CCDC192: variants seen among roughly 807,000 people sequenced by gnomAD.
CCDC192 encodes the protein coiled-coil domain containing 192.
chr5:127,913,670 C>G (rs1281160310), intron 6 of CCDC192, among the ~76,000 whole-genome samples: 1 of 152,218 alleles, frequency 6.6e-6, no homozygotes, highest in East Asian at 1.9e-4. Flanking sequence ...GAATTTTCTC[C>G]TGGACATCTC....
At chr5:127,893,248 G>T (rs763113662) in intron 6 of CCDC192, among the ~76,000 whole-genome samples, 11 of 152,148 alleles carry the variant, frequency 7.2e-5, no homozygotes, top group African/African-American at 2.7e-4. Context: ...ACAGAATTAG[G>T]ACCAGATCCC....
At chr5:127,719,550 T>TACATAC in intron 2 of CCDC192, among the ~76,000 whole-genome samples, 1 of 64,556 alleles carries the variant, frequency 1.5e-5, no homozygotes, top group South Asian at 3.7e-4. Context: ...TATATATATA[T>TACATAC]ATATATATAC....
chr5:127,780,839 C>G (rs1197339454), intron 3 of CCDC192, among the ~76,000 whole-genome samples: 1 of 152,114 alleles, frequency 6.6e-6, no homozygotes, highest in Non-Finnish European at 1.5e-5. Context: ...TAAGTCCCAG[C>G]TATTTATCTT....
At chr5:127,735,554 C>T (rs1752930684) in intron 2 of CCDC192, among the ~76,000 whole-genome samples, 1 of 78,228 alleles carries the variant, frequency 1.3e-5, no homozygotes, top group East Asian at 4.2e-4. Context: ...TTCTTCCTAC[C>T]CATGAGCATG....
chr5:127,782,327 T>A (rs1372030269), intron 3 of CCDC192, among the ~76,000 whole-genome samples: 1 of 152,154 alleles, frequency 6.6e-6, no homozygotes, highest in East Asian at 1.9e-4. Flanking sequence ...GATGTTGGCA[T>A]CATAGGATGA....
rs185735040 is a variant in CCDC192 at position 127,768,283 on chromosome 5, C to T, written c.222+13908C>T. On this transcript the variant is annotated intron_variant, in intron 3 of 6. Coordinates refer to ENST00000514853, the MANE Select transcript of CCDC192 (RefSeq NM_001317938.2). ...TAAAAAAGTAAAAAAAAAATAAGGT[C>T]ATACTGGAGTAGGATGGGCCCCTAA... Among the ~76,000 whole-genome samples the T allele has an allele frequency of 7.0e-3, 1,066 of 152,000 alleles. 15 individuals are homozygous for T. Among genetic ancestry groups the T allele is most frequent in the African/African-American group, 0.024 (1,007 of 41,482 alleles).
intron 1 of CCDC192, among the ~76,000 whole-genome samples, chr5:127,706,201 T>C (rs766751391): frequency 9.9e-5 from 15 of 151,976 alleles, no homozygotes; most frequent in Non-Finnish European, 2.1e-4. Flanking sequence ...GATAGTGGGA[T>C]AGAAAATAAT....
At chr5:127,863,447 G>A (rs1751458408) in intron 5 of CCDC192, among the ~76,000 whole-genome samples, 2 of 152,198 alleles carry the variant, frequency 1.3e-5, no homozygotes, top group Non-Finnish European at 2.9e-5. Context: ...AGTTAAATAA[G>A]TCAATCTCAA....
At chr5:127,810,505 G>A (rs114110202) in intron 5 of CCDC192, among the ~76,000 whole-genome samples, 139 of 152,198 alleles carry the variant, frequency 9.1e-4, no homozygotes, top group Non-Finnish European at 1.6e-3. Context: ...AAGGAGAGGG[G>A]AATATGGATT....
At chr5:127,858,679 C>G (rs751241333) in intron 5 of CCDC192, among the ~76,000 whole-genome samples, 3 of 152,202 alleles carry the variant, frequency 2.0e-5, no homozygotes, top group African/African-American at 4.8e-5. Flanking sequence ...TCATACATCG[C>G]TGCATGAGGC....
intron 2 of CCDC192, among the ~76,000 whole-genome samples, chr5:127,732,606 A>G (rs1221333243): frequency 2.0e-5 from 3 of 152,242 alleles, no homozygotes; most frequent in South Asian, 2.1e-4. Context: ...ATGTCCATCA[A>G]TGATAGACTG....
chr5:127,905,992 CT>C (rs919857569), intron 6 of CCDC192, among the ~76,000 whole-genome samples: 4 of 152,168 alleles, frequency 2.6e-5, no homozygotes, highest in East Asian at 1.9e-4. Context: ...AAAATCACTT[CT>C]TTTTTTTATA....
chr5:127,771,418 C>T (rs898126012), intron 3 of CCDC192, among the ~76,000 whole-genome samples: 2 of 151,982 alleles, frequency 1.3e-5, no homozygotes, highest in Admixed American at 6.6e-5. Flanking sequence ...GATTGTTTTA[C>T]GAAGTTTTGG....
At chr5:127,824,737 G>A (rs1749444452) in intron 5 of CCDC192, among the ~76,000 whole-genome samples, 1 of 152,128 alleles carries the variant, frequency 6.6e-6, no homozygotes, top group African/African-American at 2.4e-5. Flanking sequence ...TAGGATGTAG[G>A]ATCACCTCAG....
chr5:127,781,575 C>T (rs4374794), intron 3 of CCDC192, among the ~76,000 whole-genome samples: 111,659 of 146,198 alleles, frequency 0.76, 42,347 homozygotes, highest in East Asian at 0.87. Flanking sequence ...CCTAAGTATT[C>T]CTTTTTTTTT....
At chr5:127,866,085 A>G (rs1301133586) in intron 5 of CCDC192, among the ~76,000 whole-genome samples, 1 of 152,140 alleles carries the variant, frequency 6.6e-6, no homozygotes, top group African/African-American at 2.4e-5. Flanking sequence ...GGTTCTAGAT[A>G]AAAGTAGTTG....
At chr5:127,855,232 C>G (rs549979527) in intron 5 of CCDC192, among the ~76,000 whole-genome samples, 1 of 152,338 alleles carries the variant, frequency 6.6e-6, no homozygotes, top group South Asian at 2.1e-4. Flanking sequence ...TCAATCCTCT[C>G]AAACCCTGCC....
At chr5:127,791,688 A>G (rs1179157164) in intron 3 of CCDC192, among the ~76,000 whole-genome samples, 2 of 152,254 alleles carry the variant, frequency 1.3e-5, no homozygotes, top group Non-Finnish European at 1.5e-5. Context: ...CATTAAACAA[A>G]TGGATGATTG....
Position 127,876,133 on chromosome 5 carries a change from A to G in CCDC192, c.535+472A>G, listed in dbSNP as rs543984459. Among the ~76,000 whole-genome samples, 4 of 147,562 alleles carry G rather than the reference A, an allele frequency of 2.7e-5. No individual in the cohort carries two copies. In the South Asian group the frequency reaches 8.8e-4, roughly 32 times the overall value. ...AACAAGCAGAGAAGGCTGGCTGGAGATGAAATGTGGGTAGTTCAGAAAATT... is the reference window on the plus strand; with the variant it reads ...AACAAGCAGAGAAGGCTGGCTGGAGGTGAAATGTGGGTAGTTCAGAAAATT... On this transcript the variant is annotated intron_variant, in intron 6 of 6. Coordinates refer to ENST00000514853, the MANE Select transcript of CCDC192 (RefSeq NM_001317938.2).
Sources: gnomAD v4.1 joint callset for allele counts (sites outside exome capture counted in the v4.1 genomes callset) on GRCh38, gnomAD v4.1.1 for gene constraint, MANE v1.5 for transcripts, NCBI Gene and HGNC (gene_info 2026-07-23, HGNC 2026-07-21) for gene names.